Variants in SAP30BP observed in about 807,000 individuals in gnomAD.
SAP30BP encodes the protein SAP30-binding protein.
A neutral mutation model predicts 46.3 loss-of-function variants in SAP30BP; 31 were observed. The ratio of observed to expected loss-of-function variants is 0.67; its 90% CI spans 0.50 to 0.90. SAP30BP has a LOEUF of 0.90. SAP30BP is among the 40% of genes least tolerant of loss of function. The pLI is 0.00. For missense variants in SAP30BP, 312 were observed against 391.0 expected (o/e 0.80, Z 1.70); for synonymous variants, 169 against 144.2 (o/e 1.17, Z -1.23).
chr17:75,674,380 C>T (rs902151197), intron 3 of SAP30BP, among the ~76,000 whole-genome samples: 5 of 152,014 alleles, frequency 3.3e-5, no homozygotes, highest in Middle Eastern at 3.4e-3. Context: ...GTGCAACCTC[C>T]GCCTCCTGGG....
intron 2 of SAP30BP, among the ~76,000 whole-genome samples, chr17:75,671,090 T>A (rs1354210489): frequency 1.3e-5 from 2 of 152,214 alleles, no homozygotes; most frequent in Non-Finnish European, 2.9e-5. Flanking sequence ...CCTTACCGTG[T>A]GTGATCCTTT....
rs1430136146 is a variant in SAP30BP at position 75,706,163 on chromosome 17, C to CA, written c.745+72dup. On this transcript the variant is annotated intron_variant, in intron 10 of 10. Transcript: ENST00000584667. This position sits in a 1 kb window ranked among gnomAD's most constrained non-coding sequence, Gnocchi z 4.6. The stretch of plus-strand genomic sequence containing the variant: ...GGGTCTCCCTGGCTTGTTTGGGCGA[C>CA]AGACAGCACGTGGATCTGGGCCTGG... 3.2e-6 allele frequency: 5 copies of CA among 1,573,748 alleles called. No homozygotes were observed. In the African/African-American group the frequency reaches 5.4e-5, roughly 17 times the overall value.
chr17:75,703,593 G>A (rs2060448404), intron 7 of SAP30BP: 1 of 637,320 alleles, frequency 1.6e-6, no homozygotes, highest in Non-Finnish European at 2.8e-6. Flanking sequence ...GTGGGGACAT[G>A]TGTGGACCTG....
chr17:75,671,976 G>T (rs1377382614), intron 3 of SAP30BP, 113 bp downstream of exon 3: 2 of 867,506 alleles, frequency 2.3e-6, no homozygotes, highest in Non-Finnish European at 3.9e-6. Flanking sequence ...GTGCAACTGT[G>T]TGGACATTTT....
In SAP30BP at chr17:75,707,801, C is replaced by T. The variant is rs2060520805; in HGVS notation, c.*1280C>T. On this transcript the variant is annotated 3_prime_UTR_variant, in exon 11 of 11. Coordinates refer to ENST00000584667, the MANE Select transcript of SAP30BP (RefSeq NM_013260.8). ...GGACTGTGAAAAGGCTTCCTGTGAC[C>T]TCCGATGGCGGCCCCTCATTGGCCA... 1 of 152,192 alleles carries T rather than the reference C, an allele frequency of 6.6e-6. No individual in the cohort carries two copies. Among genetic ancestry groups the T allele is most frequent in the South Asian group, 2.1e-4 (1 of 4,832 alleles). The allele number at this position is 152,192 out of a possible 1,614,324, so 9.4% of individuals were successfully genotyped here. A position where few individuals can be genotyped will look rare whatever the true frequency, so the allele number is the denominator to read the frequency against.
rs528798951 is a variant in SAP30BP, at chr17:75,685,300, G to C, written c.265-8140G>C. Among the ~76,000 whole-genome samples the C allele has an allele frequency of 5.2e-4, 79 of 152,292 alleles. 1 individual carries two copies. The South Asian group carries it at 0.016, about 30-fold the overall frequency. ...CTGTCCTTAGGGATCCAGCACTTCC[G>C]ACCTTCGTTCTGTATTTTCATCCAT... On this transcript the variant is annotated intron_variant, in intron 3 of 10. Transcript: ENST00000584667.
In SAP30BP at chr17:75,672,239, G is replaced by A. The variant is rs900184690; in HGVS notation, c.264+376G>A. The A allele has an allele frequency of 5.5e-5, 13 of 234,832 alleles. No individual in the cohort carries two copies. The East Asian group carries it at 1.2e-3, about 22-fold the overall frequency. The allele number at this position is 234,832 out of a possible 1,614,324, so 14.5% of individuals were successfully genotyped here. A position where few individuals can be genotyped will look rare whatever the true frequency, so the allele number is the denominator to read the frequency against. On this transcript the variant is annotated intron_variant, in intron 3 of 10. Transcript: ENST00000584667. ...GTAAGGGCCGCCTCGCGTGCTTTGG[G>A]TTCTCTTTAGTCATCTAGAAGTGAA...
intron 3 of SAP30BP, among the ~76,000 whole-genome samples, chr17:75,683,056 T>TTC (rs1327753262): frequency 1.5e-4 from 22 of 148,698 alleles, no homozygotes; most frequent in Admixed American, 1.5e-3. Context: ...ATTTATTTAT[T>TTC]TTTTTTGAGA....
At chr17:75,704,349 A>G (rs796944700) in intron 8 of SAP30BP, among the ~76,000 whole-genome samples, 2 of 152,374 alleles carry the variant, frequency 1.3e-5, no homozygotes, top group African/African-American at 4.8e-5. Context: ...CCTGCAGCCC[A>G]TGGCCCAGAT....
chr17:75,687,914 T>TGG (rs199659385), intron 3 of SAP30BP, among the ~76,000 whole-genome samples: 9,837 of 121,826 alleles, frequency 0.081, 502 homozygotes, highest in East Asian at 0.18. Flanking sequence ...TGACAGTGTT[T>TGG]GGGGTGTGTG....
chr17:75,691,685 G>A (rs1297243795), intron 3 of SAP30BP: 2 of 343,034 alleles, frequency 5.8e-6, no homozygotes, highest in African/African-American at 2.2e-5. Flanking sequence ...GAGCCTTGGG[G>A]AAGGGTGAGT....
At position 75,678,953 on chromosome 17, in the gene SAP30BP, G is replaced by C. The variant is rs973347446; in HGVS notation, c.264+7090G>C. Among the ~76,000 whole-genome samples, 91 of 151,958 alleles carry C rather than the reference G, an allele frequency of 6.0e-4. 6 individuals are homozygous for C. The highest frequency in any genetic ancestry group is 1.5e-4 in the Non-Finnish European group (10 of 67,992). ...ACAAGTGGGTTGAGCTGTTTCATAA[G>C]GTAGTGAGCTCCCTGTTTCTAGAGG... On this transcript the variant is annotated intron_variant, in intron 3 of 10. Transcript: ENST00000584667.
At chr17:75,700,806 C>T (rs540521959) in intron 5 of SAP30BP, among the ~76,000 whole-genome samples, 3 of 152,346 alleles carry the variant, frequency 2.0e-5, no homozygotes, top group South Asian at 4.1e-4. Flanking sequence ...TCCAGCAACC[C>T]GCCAGGCAGA....
At chr17:75,704,648 C>G (rs907193889) in intron 8 of SAP30BP, 108 bp from the exon 9 acceptor site, 6 of 830,818 alleles carry the variant, frequency 7.2e-6, no homozygotes, top group Non-Finnish European at 1.3e-5. Flanking sequence ...AACACTGAGC[C>G]CATGAAGGCC....
chr17:75,690,606 A>C, intron 3 of SAP30BP: 1 of 448,302 alleles, frequency 2.2e-6, no homozygotes, highest in Non-Finnish European at 4.5e-6. Flanking sequence ...GGCGTGAGCC[A>C]CTGCGCCTGA....
At position 75,706,257 on chromosome 17, in the gene SAP30BP, GA is replaced by G; in HGVS notation, c.746-82del. 1 of 1,551,456 alleles carries G rather than the reference GA, an allele frequency of 6.4e-7. No individual in the cohort carries two copies. The highest frequency in any genetic ancestry group is 8.8e-7 in the Non-Finnish European group (1 of 1,141,168). ...GGGCCACTTCGGGGTCTGCTCCCTA[GA>G]CTCCCGCTGGCCTGCAGGGGGAAGG... On this transcript the variant is annotated intron_variant, in intron 10 of 10. Coordinates refer to ENST00000584667, the MANE Select transcript of SAP30BP (RefSeq NM_013260.8). The surrounding 1 kb of genome is among the most constrained non-coding windows in gnomAD (Gnocchi z 4.6).
chr17:75,672,051 G>C, intron 3 of SAP30BP, 188 bp downstream of exon 3: 1 of 590,746 alleles, frequency 1.7e-6, no homozygotes, highest in Non-Finnish European at 3.1e-6. Context: ...CAAATCCTGA[G>C]ACACATTGGA....
At chr17:75,692,414 T>C (rs894505715) in intron 3 of SAP30BP, 3 of 985,478 alleles carry the variant, frequency 3.0e-6, no homozygotes, top group South Asian at 9.4e-5. Context: ...TCCAGCAACT[T>C]TCTGTGAACT....
At chr17:75,705,241 C>T (rs1233894755) in intron 9 of SAP30BP, 2 of 202,382 alleles carry the variant, frequency 9.9e-6, no homozygotes, top group South Asian at 1.6e-4. Context: ...ACGTTAGGGC[C>T]CTGAGCACCA....
Sources: allele counts gnomAD v4.1 joint callset (sites outside exome capture counted in the v4.1 genomes callset), GRCh38; gene constraint gnomAD v4.1.1; non-coding constraint Gnocchi (gnomAD v3.1); transcripts MANE v1.5; gene names NCBI Gene and HGNC (gene_info 2026-07-23, HGNC 2026-07-21).